RSPH1: variants seen among roughly 807,000 people sequenced by gnomAD.
The protein encoded by RSPH1 is radial spoke head component 1, also known as radial spoke head 1 homolog.
A neutral mutation model predicts 44.2 loss-of-function variants in RSPH1; 32 were observed. That is an observed-to-expected ratio of 0.72 (90% CI 0.55 to 0.97). RSPH1 has a LOEUF of 0.97. Among genes scored for constraint, RSPH1 ranks in the 50% least tolerant of loss-of-function variants. The pLI is 0.00. For missense variants in RSPH1, 391 were observed against 398.7 expected (o/e 0.98, Z 0.16); for synonymous variants, 134 against 147.3 (o/e 0.91, Z 0.65).
intron 6 of RSPH1, among the ~76,000 whole-genome samples, chr21:42,477,748 G>C (rs948752114): frequency 6.6e-6 from 1 of 152,216 alleles, no homozygotes; most frequent in Non-Finnish European, 1.5e-5. Context: ...GCCTGCAATA[G>C]CTAAGACATG....
At chr21:42,485,830 A>T in intron 4 of RSPH1, 26 bp from the exon 5 acceptor site, 1 of 1,613,850 alleles carries the variant, frequency 6.2e-7, no homozygotes, top group Non-Finnish European at 8.5e-7. Context: ...GGAACATGGT[A>T]TTTCGTTCCA....
rs952258767 is a variant in RSPH1 at position 42,489,287 on chromosome 21, G to C, written c.275-2826C>G. Among the ~76,000 whole-genome samples the C allele has an allele frequency of 3.3e-5, 5 of 152,090 alleles. No homozygotes were observed. The East Asian group carries it at 9.6e-4, about 29-fold the overall frequency. On this transcript the variant is annotated intron_variant, in intron 3 of 8. Transcript: ENST00000291536. Reference sequence around the variant, plus strand: ...TGGCTGGTTGGTTGGTTGGTTGGTTGGTTGGCTGGTTGGCTAATTGGTTGG... The same window carrying C: ...TGGCTGGTTGGTTGGTTGGTTGGTTCGTTGGCTGGTTGGCTAATTGGTTGG...
At chr21:42,491,306 GT>G (rs1444316419) in intron 3 of RSPH1, among the ~76,000 whole-genome samples, 1 of 152,188 alleles carries the variant, frequency 6.6e-6, no homozygotes, top group Non-Finnish European at 1.5e-5. Flanking sequence ...TCAGAATGGA[GT>G]TGCATCATTG....
chr21:42,496,064 C>G, intron 1 of RSPH1, 69 bp downstream of exon 1: 1 of 1,590,460 alleles, frequency 6.3e-7, no homozygotes, highest in Middle Eastern at 1.7e-4. Flanking sequence ...CCTCACTCTC[C>G]AAACCCAACC....
Position 42,477,380 on chromosome 21 carries a change from T to C in RSPH1, c.638A>G (p.Gln213Arg), listed in dbSNP as rs1403144349. The change falls in exon 7 of 9, where the codon CAA becomes CGA. Residue 213 changes from glutamine to arginine, a missense_variant. Transcript: ENST00000291536. ...VTVVPKWKAT[Q>R]ITELALWTPT... ...TGTCCACAGGGCCAATTCAGTGATT[T>C]GGGTAGCTTTCCATTTTGGAACAAC... 2 of 1,614,072 alleles carry C rather than the reference T, an allele frequency of 1.2e-6. No individual in the cohort carries two copies. The highest frequency in any genetic ancestry group is 1.7e-6 in the Non-Finnish European group (2 of 1,180,044).
rs151107532 is a variant in RSPH1 at position 42,486,463 on chromosome 21, T to G, written c.275-2A>C. 7.0e-4 allele frequency: 1,135 copies of G among 1,611,742 alleles called. 1 individual carries two copies. The highest frequency in any genetic ancestry group is 8.8e-4 in the Non-Finnish European group (1,041 of 1,178,080). On this transcript the variant is annotated splice_acceptor_variant, in intron 3 of 8. Coordinates refer to ENST00000291536, the MANE Select transcript of RSPH1 (RefSeq NM_080860.4). LOFTEE classifies it high-confidence loss of function. The stretch of plus-strand genomic sequence containing the variant: ...GCCGCAGGTCATTTGCCCACTCTCC[T>G]GAAAGGAACAACACAAAGGCAAGCC...
At chr21:42,477,540 G>C in intron 6 of RSPH1, 96 bp from the exon 7 acceptor site, 1 of 1,350,852 alleles carries the variant, frequency 7.4e-7, no homozygotes, top group Non-Finnish European at 1.0e-6. Flanking sequence ...TTGAAAGACA[G>C]GTTTTGGCTT....
chr21:42,485,644 C>T (rs1401221534), intron 5 of RSPH1, 25 bp downstream of exon 5: 2 of 1,613,646 alleles, frequency 1.2e-6, no homozygotes, highest in South Asian at 1.1e-5. Flanking sequence ...ACTTCATTGG[C>T]AAATGTCACT....
chr21:42,493,958 C>T (rs1210387689), intron 1 of RSPH1, among the ~76,000 whole-genome samples: 2 of 152,178 alleles, frequency 1.3e-5, no homozygotes, highest in East Asian at 3.9e-4. Context: ...CACTATATTG[C>T]CCTGGCTGGT....
chr21:42,476,650 G>A (rs1336485978), intron 7 of RSPH1, among the ~76,000 whole-genome samples: 1 of 152,118 alleles, frequency 6.6e-6, no homozygotes, highest in Non-Finnish European at 1.5e-5. Flanking sequence ...GCTGCTGTCA[G>A]TGCCAGCCCG....
chr21:42,479,762 T>A (rs531298577), intron 6 of RSPH1, among the ~76,000 whole-genome samples: 1 of 131,036 alleles, frequency 7.6e-6, no homozygotes, highest in Non-Finnish European at 1.7e-5. Context: ...CACACACACA[T>A]AAATGAAGTG....
At chr21:42,493,132 A>T in intron 1 of RSPH1, 53 bp from the exon 2 acceptor site, 1 of 1,432,522 alleles carries the variant, frequency 7.0e-7, no homozygotes. Flanking sequence ...AGCGCTAACC[A>T]GGTGCTAAGC....
intron 5 of RSPH1, 46 bp downstream of exon 5, chr21:42,485,623 G>A: frequency 1.9e-6 from 3 of 1,611,122 alleles, no homozygotes; most frequent in East Asian, 2.2e-5. Context: ...TGCCAGAGGG[G>A]GTTATTTTGT....
chr21:42,472,964 T>C (rs1204632521), intron 8 of RSPH1, 94 bp from the exon 9 acceptor site: 3 of 831,964 alleles, frequency 3.6e-6, no homozygotes, highest in Non-Finnish European at 3.8e-6. Flanking sequence ...CCGAAAAAAA[T>C]TATTGTAACT....
intron 6 of RSPH1, among the ~76,000 whole-genome samples, chr21:42,481,135 T>C (rs946024441): frequency 6.6e-6 from 1 of 152,028 alleles, no homozygotes; most frequent in Non-Finnish European, 1.5e-5. Flanking sequence ...TCATGAATGG[T>C]TTGGTGCCTT....
chr21:42,486,647 G>C (rs187281292), intron 3 of RSPH1, among the ~76,000 whole-genome samples, 186 bp from the exon 4 acceptor site: 81 of 152,296 alleles, frequency 5.3e-4, no homozygotes, highest in African/African-American at 1.9e-3. Context: ...ACCGACCAAG[G>C]CTGCTATCTG....
At chr21:42,477,551 G>T in intron 6 of RSPH1, 107 bp from the exon 7 acceptor site, 1 of 1,196,026 alleles carries the variant, frequency 8.4e-7, no homozygotes, top group Non-Finnish European at 1.2e-6. Flanking sequence ...GTTTTGGCTT[G>T]TGTTTCAGCC....
intron 7 of RSPH1, 78 bp from the exon 8 acceptor site, chr21:42,476,125 C>G (rs147653568): frequency 6.7e-7 from 1 of 1,482,390 alleles, no homozygotes; most frequent in African/African-American, 1.4e-5. Flanking sequence ...CAGCTGTCCC[C>G]TGGGCTGCCG....
chr21:42,476,353 G>A (rs930991047), intron 7 of RSPH1, among the ~76,000 whole-genome samples: 3 of 152,172 alleles, frequency 2.0e-5, no homozygotes, highest in African/African-American at 7.2e-5. Flanking sequence ...TGCCAGCCAG[G>A]GGAGCCAGCA....
Sources: allele counts gnomAD v4.1 joint callset (sites outside exome capture counted in the v4.1 genomes callset), GRCh38; gene constraint gnomAD v4.1.1; transcripts MANE v1.5; gene names NCBI Gene and HGNC (gene_info 2026-07-23, HGNC 2026-07-21).